ANKRD39: variants seen among roughly 807,000 people sequenced by gnomAD.
The protein encoded by ANKRD39 is ankyrin repeat domain-containing protein 39.
ANKRD39 carries 18 observed loss-of-function variants against 20.3 expected under a neutral mutation model. The observed-to-expected ratio is 0.89, with a 90% CI of 0.61 to 1.32. The LOEUF is 1.32. ANKRD39 is among the 40% of genes most tolerant of loss of function. The pLI is 0.00. For synonymous variants in ANKRD39, 106 were observed against 111.9 expected, an observed-to-expected ratio of 0.95 and a Z score of 0.33; for missense variants, 243 against 250.7, an observed-to-expected ratio of 0.97 and a Z score of 0.21.
At chr2:96,852,566 C>T (rs1484450636) in intron 3 of ANKRD39, among the ~76,000 whole-genome samples, 2 of 148,946 alleles carry the variant, frequency 1.3e-5, no homozygotes, top group Middle Eastern at 3.5e-3. Flanking sequence ...CCCAGGAAAC[C>T]TTCACAATAA....
At chr2:96,856,753 G>C (rs2079867585) in intron 1 of ANKRD39, among the ~76,000 whole-genome samples, 1 of 152,188 alleles carries the variant, frequency 6.6e-6, no homozygotes, top group Admixed American at 6.5e-5. Context: ...TGTTTAGGGA[G>C]GGTCTCTGAG....
rs1440837982 is a variant in ANKRD39, at chr2:96,852,512, CA to C, written c.408+888del. Among the ~76,000 whole-genome samples the C allele has an allele frequency of 3.8e-3, 226 of 59,242 alleles. 2 individuals are homozygous for C. Among genetic ancestry groups the C allele is most frequent in the Middle Eastern group, 8.1e-3 (1 of 124 alleles). The allele number at this position is 59,242 out of a possible 152,430, so 38.9% of individuals were successfully genotyped here. A position where few individuals can be genotyped will look rare whatever the true frequency, so the allele number is the denominator to read the frequency against. ...GGGTGGGGAAAAAAGACAAAAAAGA[CA>C]AAAAAAAAAAAAAAAAACCTGGAGA... is the stretch of plus-strand genomic sequence containing the variant. On this transcript the variant is annotated intron_variant, in intron 3 of 3. Transcript: ENST00000393537.
In ANKRD39 at chr2:96,857,888, C is replaced by A; in HGVS notation, c.100G>T (p.Gly34Ter). ...CACGAGGGCCGCGCGGCAGCCTCAC[C>A]CCTCTCGAAGTCCATCTCCTCCAGC... Reference protein sequence around the residue: ...QTLEEMDFERGIWSAALNGDL... With the variant: ...QTLEEMDFER Residue 34 changes from glycine (G) to a stop codon, truncating the protein, a stop_gained and splice_region_variant, in exon 1 of 4, where the codon GGA becomes TGA. Transcript: ENST00000393537. LOFTEE classifies it high-confidence loss of function. The A allele has an allele frequency of 6.3e-7, 1 of 1,576,862 alleles. No homozygotes were observed. Among genetic ancestry groups the A allele is most frequent in the African/African-American group, 1.3e-5 (1 of 74,372 alleles).
chr2:96,857,890 C>T lies in ANKRD39; in HGVS notation c.98G>A (p.Arg33Lys). 2 of 1,578,442 alleles carry T rather than the reference C, an allele frequency of 1.3e-6. No individual in the cohort carries two copies. Among genetic ancestry groups the T allele is most frequent in the African/African-American group, 1.3e-5 (1 of 74,454 alleles). ...CGAGGGCCGCGCGGCAGCCTCACCC[C>T]TCTCGAAGTCCATCTCCTCCAGCGT... Reference protein sequence around the residue: ...QQTLEEMDFERGIWSAALNGD... With the variant: ...QQTLEEMDFEKGIWSAALNGD... The change falls in exon 1 of 4, where the codon AGG becomes AAG. Residue 33 changes from arginine (R) to lysine (K), a missense_variant and splice_region_variant. Physicochemically the swap from Arg to Lys is conservative, Grantham distance 26. Transcript: ENST00000393537.
At chr2:96,857,600 TTG>T (rs2079871562) in intron 1 of ANKRD39, among the ~76,000 whole-genome samples, 1 of 152,246 alleles carries the variant, frequency 6.6e-6, no homozygotes. Flanking sequence ...CTGAGCAGGC[TTG>T]TGTCTCCCAG....
chr2:96,848,482 C>T (rs369423598), intron 3 of ANKRD39, 38 bp from the exon 4 acceptor site: 2 of 1,610,998 alleles, frequency 1.2e-6, no homozygotes, highest in East Asian at 2.2e-5. Flanking sequence ...GGCATACCCC[C>T]CCACTGGGCT....
chr2:96,851,785 GA>G, intron 3 of ANKRD39, among the ~76,000 whole-genome samples: 1 of 152,262 alleles, frequency 6.6e-6, no homozygotes, highest in Non-Finnish European at 1.5e-5. Flanking sequence ...TGTAAGCTGA[GA>G]TCCAGAAGAA....
rs553974177 is a variant in ANKRD39, at chr2:96,857,551, CT to C, written c.100+336del. Among the ~76,000 whole-genome samples, 27 of 152,386 alleles carry C rather than the reference CT, an allele frequency of 1.8e-4. No individual in the cohort carries two copies. The East Asian group carries it at 4.0e-3, about 23-fold the overall frequency. ...GCCCCTCAGGTTGGGTGCAATGCCCCTGGTGCAGATTCTGCTCCCCGGGCCC... is the reference window on the plus strand; with the variant it reads ...GCCCCTCAGGTTGGGTGCAATGCCCCGGTGCAGATTCTGCTCCCCGGGCCC... On this transcript the variant is annotated intron_variant, in intron 1 of 3. Coordinates refer to ENST00000393537, the MANE Select transcript of ANKRD39 (RefSeq NM_016466.6).
intron 1 of ANKRD39, among the ~76,000 whole-genome samples, chr2:96,855,097 C>T (rs185744522): frequency 1.3e-5 from 2 of 152,202 alleles, no homozygotes; most frequent in African/African-American, 4.8e-5. Flanking sequence ...GAGGGGAGTT[C>T]GGGGAGTTCA....
chr2:96,855,019 A>G lies in ANKRD39; in HGVS notation c.101-578T>C, dbSNP rs181640730. On this transcript the variant is annotated intron_variant, in intron 1 of 3. Transcript: ENST00000393537. ...AAGAGGATCTCCCTGGTGAGCACAA[A>G]GACTGAAAGTTGCAAAACAAGAAGC... Among the ~76,000 whole-genome samples the G allele has an allele frequency of 2.0e-3, 312 of 152,346 alleles. 2 individuals carry two copies. Among genetic ancestry groups the G allele is most frequent in the African/African-American group, 6.8e-3 (283 of 41,582 alleles).
chr2:96,848,399 G>A lies in ANKRD39; in HGVS notation c.454C>T (p.His152Tyr). 1 of 1,614,232 alleles carries A rather than the reference G, an allele frequency of 6.2e-7. No homozygotes were observed. The highest frequency in any genetic ancestry group is 1.7e-5 in the Admixed American group (1 of 60,038). ...CGGATGGCCTTCAGGGCTGGGCTGTGTTGCAGGAGGAGGGAGCAGATGTCC... is the reference window on the plus strand; with the variant it reads ...CGGATGGCCTTCAGGGCTGGGCTGTATTGCAGGAGGAGGGAGCAGATGTCC... ...HGDICSLLLQ[H>Y]SPALKAIRDR... Residue 152 changes from histidine (H) to tyrosine (Y), a missense_variant, in exon 4 of 4, where the codon CAC becomes TAC. By Grantham distance (83) the His-to-Tyr change is moderately conservative. Transcript: ENST00000393537.
intron 1 of ANKRD39, among the ~76,000 whole-genome samples, chr2:96,857,661 C>G (rs2079871987): frequency 6.6e-6 from 1 of 152,252 alleles, no homozygotes; most frequent in African/African-American, 2.4e-5. Context: ...CCAGTGCTTC[C>G]GCTTCCCCGC....
In ANKRD39 at chr2:96,848,460, C is replaced by T; in HGVS notation, c.409-16G>A. 2.5e-6 allele frequency: 4 copies of T among 1,613,450 alleles called. No homozygotes were observed. The highest frequency in any genetic ancestry group is 3.4e-6 in the Non-Finnish European group (4 of 1,179,524). ...TCTCAGCAGCCTGTGGAGAGAAAGG[C>T]TGGAATCAAAGGGCATACCCCCCCA... is the stretch of plus-strand genomic sequence containing the variant. On this transcript the variant is annotated splice_polypyrimidine_tract_variant and intron_variant, in intron 3 of 3. Transcript: ENST00000393537.
intron 1 of ANKRD39, 44 bp from the exon 2 acceptor site, chr2:96,854,485 T>C (rs1158997059): frequency 1.3e-6 from 2 of 1,578,606 alleles, no homozygotes; most frequent in Admixed American, 1.7e-5. Flanking sequence ...TGAATGGGAG[T>C]TTCAGTGCTT....
intron 1 of ANKRD39, among the ~76,000 whole-genome samples, chr2:96,854,648 A>T (rs557329893): frequency 2.0e-5 from 3 of 152,364 alleles, no homozygotes; most frequent in Admixed American, 2.0e-4. Context: ...TCTCATCAGG[A>T]CAGTAGGACT....
rs1223278590 is a variant in ANKRD39, at chr2:96,856,011, CAAAG to C, written c.101-1574_101-1571del. Among the ~76,000 whole-genome samples, 2 of 151,982 alleles carry C rather than the reference CAAAG, an allele frequency of 1.3e-5. 1 individual carries two copies. The highest frequency in any genetic ancestry group is 1.3e-4 in the Admixed American group (2 of 15,236). ...AACAACAAAACAACAACAACAACAACAAAGAGTTACTGTAGTGAAGCGGATTAAC... is the reference window on the plus strand; with the variant it reads ...AACAACAAAACAACAACAACAACAACAGTTACTGTAGTGAAGCGGATTAAC... On this transcript the variant is annotated intron_variant, in intron 1 of 3. Transcript: ENST00000393537.
chr2:96,857,527 C>A (rs994082997), intron 1 of ANKRD39, among the ~76,000 whole-genome samples: 2 of 152,278 alleles, frequency 1.3e-5, no homozygotes, highest in African/African-American at 4.8e-5. Context: ...CAGCTCCATG[C>A]CCCTCAGGTT....
rs1174781330 is a variant in ANKRD39, at chr2:96,848,245, G to C, written c.*56C>G. 6.3e-7 allele frequency: 1 copy of C among 1,598,188 alleles called. No homozygotes were observed. Among genetic ancestry groups the C allele is most frequent in the African/African-American group, 1.3e-5 (1 of 74,648 alleles). On this transcript the variant is annotated 3_prime_UTR_variant, in exon 4 of 4. Transcript: ENST00000393537. ...CAGCATGGATGCTGACCAAGGCAGGGGCTTGGAGAACTGGTCTGTGTACCC... is the reference window on the plus strand; with the variant it reads ...CAGCATGGATGCTGACCAAGGCAGGCGCTTGGAGAACTGGTCTGTGTACCC...
chr2:96,848,511 C>T, intron 3 of ANKRD39, 67 bp from the exon 4 acceptor site: 1 of 1,582,344 alleles, frequency 6.3e-7, no homozygotes, highest in Non-Finnish European at 8.6e-7. Context: ...TCTTGTTCCA[C>T]TTTCAGTGGT....
Sources: gnomAD v4.1 joint callset for allele counts (sites outside exome capture counted in the v4.1 genomes callset) on GRCh38, gnomAD v4.1.1 for gene constraint, MANE v1.5 for transcripts, NCBI Gene and HGNC (gene_info 2026-07-23, HGNC 2026-07-21) for gene names.